The following MARCHF3 variants were observed in gnomAD, a reference collection of about 807,000 sequenced individuals.
The protein encoded by MARCHF3 is E3 ubiquitin-protein ligase MARCHF3.
A neutral mutation model predicts 24.2 loss-of-function variants in MARCHF3; 13 were observed. That is an observed-to-expected ratio of 0.54 (90% confidence interval 0.35 to 0.85). The LOEUF is 0.85. MARCHF3 is among the 40% of genes least tolerant of loss of function. The pLI, the probability that MARCHF3 is intolerant of heterozygous loss-of-function variation, is 0.01. For missense variants in MARCHF3, 276 were observed against 325.0 expected (o/e 0.85, Z 1.16); for synonymous variants, 144 against 137.3 (o/e 1.05, Z -0.34).
At chr5:126,950,696 C>T (rs1021335494) in intron 1 of MARCHF3, among the ~76,000 whole-genome samples, 2 of 152,166 alleles carry the variant, frequency 1.3e-5, no homozygotes, top group East Asian at 3.8e-4. Context: ...CCTTATTAGA[C>T]CATTCTCAAC....
Position 126,952,007 on chromosome 5 carries a change from C to A in MARCHF3, c.-56-33780G>T, listed in dbSNP as rs1284073539. Among the ~76,000 whole-genome samples, 3 of 152,200 alleles carry A rather than the reference C, an allele frequency of 2.0e-5. No homozygotes were observed. The South Asian group carries it at 6.2e-4, about 31-fold the overall frequency. ...GATTACAGGCGCCCACCACCACGCC[C>A]AGCTAATTTTTGTATTTTTAGTAGA... On this transcript the variant is annotated intron_variant, in intron 1 of 4. Coordinates refer to ENST00000308660, the MANE Select transcript of MARCHF3 (RefSeq NM_178450.5).
intron 1 of MARCHF3, among the ~76,000 whole-genome samples, chr5:126,989,325 C>CTAA (rs1491374951): frequency 1.1e-4 from 16 of 148,960 alleles, no homozygotes; most frequent in African/African-American, 4.0e-4. Context: ...ACTACTACTA[C>CTAA]TACTACTACT....
At chr5:126,914,767 A>ACACACACACACACACAC (rs1754658481) in intron 3 of MARCHF3, 163 bp downstream of exon 3, 8 of 432,172 alleles carry the variant, frequency 1.9e-5, no homozygotes, top group Admixed American at 7.7e-5. Flanking sequence ...CTCTTTCTCA[A>ACACACACACACACACAC]ACACACACAC....
intron 3 of MARCHF3, among the ~76,000 whole-genome samples, chr5:126,895,905 C>T (rs902206839): frequency 2.6e-5 from 4 of 152,148 alleles, no homozygotes; most frequent in Admixed American, 6.6e-5. Context: ...GCGCCCCTCC[C>T]CCAGCCTTGC....
chr5:126,987,936 G>A (rs1751622334), intron 1 of MARCHF3, among the ~76,000 whole-genome samples: 1 of 151,038 alleles, frequency 6.6e-6, no homozygotes, highest in East Asian at 2.0e-4. Flanking sequence ...AAAACTGCCT[G>A]GATATAGTAG....
intron 1 of MARCHF3, among the ~76,000 whole-genome samples, chr5:126,986,143 A>G (rs1467208401): frequency 3.9e-5 from 6 of 152,358 alleles, no homozygotes; most frequent in Middle Eastern, 3.4e-3. Flanking sequence ...AGTAGGAGTC[A>G]AAAGACCTGG....
At chr5:126,996,190 T>TAGAGGAAAGAGCAGG (rs906802983) in intron 1 of MARCHF3, among the ~76,000 whole-genome samples, 1 of 152,048 alleles carries the variant, frequency 6.6e-6, no homozygotes, top group Admixed American at 6.5e-5. Context: ...TCTAAAGTTA[T>TAGAGGAAAGAGCAGG]AGAGGAAAGA....
intron 1 of MARCHF3, among the ~76,000 whole-genome samples, chr5:126,992,378 A>G (rs952508935): frequency 1.3e-5 from 2 of 152,238 alleles, no homozygotes; most frequent in African/African-American, 4.8e-5. Context: ...GCTCAGGGCA[A>G]GATAATTTGT....
intron 1 of MARCHF3, among the ~76,000 whole-genome samples, chr5:126,952,613 G>T (rs1750293631): frequency 6.6e-6 from 1 of 151,918 alleles, no homozygotes; most frequent in Non-Finnish European, 1.5e-5. Flanking sequence ...CCCACGTTTT[G>T]TTATTTTTAT....
At chr5:126,900,926 TTCTGA>T (rs1474994051) in intron 3 of MARCHF3, among the ~76,000 whole-genome samples, 1 of 152,022 alleles carries the variant, frequency 6.6e-6, no homozygotes, top group Non-Finnish European at 1.5e-5. Flanking sequence ...GGTCTCGAAC[TTCTGA>T]TCTTAGTCAC....
chr5:126,972,338 ATG>A (rs1751047120), intron 1 of MARCHF3, among the ~76,000 whole-genome samples: 1 of 152,030 alleles, frequency 6.6e-6, no homozygotes, highest in African/African-American at 2.4e-5. Context: ...AAGTAAGTTT[ATG>A]GAAGAGATAA....
intron 3 of MARCHF3, among the ~76,000 whole-genome samples, chr5:126,909,363 C>G (rs6891329): frequency 9.9e-5 from 15 of 152,190 alleles, no homozygotes; most frequent in East Asian, 1.9e-4. Flanking sequence ...TCAAGCTTCC[C>G]GGCTGCTTTG....
At chr5:127,030,315 G>A (rs1580510388) in intron 1 of MARCHF3, 35 bp downstream of exon 1, 1 of 152,242 alleles carries the variant, frequency 6.6e-6, no homozygotes, top group South Asian at 2.1e-4. Flanking sequence ...GAACCGCGCC[G>A]AGAGGAGCCG....
At chr5:126,877,221 A>G (rs1246152799) in intron 4 of MARCHF3, among the ~76,000 whole-genome samples, 3 of 152,216 alleles carry the variant, frequency 2.0e-5, no homozygotes, top group African/African-American at 7.2e-5. Flanking sequence ...AGACACAGAA[A>G]GGGAGGAAGT....
chr5:126,964,079 AAGATCTTG>A (rs1750729069), intron 1 of MARCHF3, among the ~76,000 whole-genome samples: 1 of 152,176 alleles, frequency 6.6e-6, no homozygotes, highest in South Asian at 2.1e-4. Context: ...CAAAGTCAGA[AAGATCTTG>A]AGCTAAGGTT....
Position 126,918,083 on chromosome 5 carries a change from C to G in MARCHF3, c.89G>C (p.Cys30Ser). ...AAPVVKTVED[C>S]GSLVNGQPQY... ...CGGCTGCCCATTCACTAGGCTGCCA[C>G]AATCCTCCACCGTCTTCACCACGGG... The change falls in exon 2 of 5, where the codon TGT becomes TCT. Residue 30 changes from cysteine (C) to serine (S), a missense_variant. Transcript: ENST00000308660. 1.2e-6 allele frequency: 2 copies of G among 1,614,182 alleles called. No homozygotes were observed. The highest frequency in any genetic ancestry group is 4.5e-5 in the East Asian group (2 of 44,884).
intron 3 of MARCHF3, among the ~76,000 whole-genome samples, chr5:126,912,357 A>G (rs1174411643): frequency 6.6e-6 from 1 of 152,234 alleles, no homozygotes; most frequent in East Asian, 1.9e-4. Flanking sequence ...CTGACAAATA[A>G]AATTTATAAA....
intron 1 of MARCHF3, among the ~76,000 whole-genome samples, 155 bp from the exon 2 acceptor site, chr5:126,918,382 G>GCACACACA (rs112284753): frequency 1.9e-4 from 29 of 149,530 alleles, no homozygotes; most frequent in African/African-American, 6.4e-4. Context: ...TAATACAAGT[G>GCACACACA]CACACACACA....
At position 126,870,235 on chromosome 5, in the gene MARCHF3, C is replaced by T. The variant is rs545810657; in HGVS notation, c.*398G>A. On this transcript the variant is annotated 3_prime_UTR_variant, in exon 5 of 5. Coordinates refer to ENST00000308660, the MANE Select transcript of MARCHF3 (RefSeq NM_178450.5). ...ACCAAGAAACCAGTTTTTACGTTGA[C>T]TTTTTGATTTTGATTATCATCTAAG... The T allele has an allele frequency of 2.0e-5, 3 of 152,846 alleles. No individual in the cohort carries two copies. The South Asian group carries it at 6.2e-4, about 32-fold the overall frequency. The allele number at this position is 152,846 out of a possible 1,614,324, so 9.5% of individuals were successfully genotyped here. A position where few individuals can be genotyped will look rare whatever the true frequency, so the allele number is the denominator to read the frequency against.
Sources: allele counts gnomAD v4.1 joint callset (sites outside exome capture counted in the v4.1 genomes callset), GRCh38; gene constraint gnomAD v4.1.1; transcripts MANE v1.5; gene names NCBI Gene and HGNC (gene_info 2026-07-23, HGNC 2026-07-21).